Variants in ZNF568 observed in about 807,000 individuals in gnomAD.
ZNF568 encodes the protein zinc finger protein 568, also known as p53 inhibitor of SCO2 activation.
Under a neutral mutation model 18.1 loss-of-function variants are expected in ZNF568, and 11 were observed. The observed-to-expected ratio is 0.61, with a 90% CI of 0.38 to 1.00. ZNF568 has a LOEUF of 1.00. ZNF568 is among the 50% of genes least tolerant of loss of function. The pLI is 0.01. For synonymous variants in ZNF568, 213 were observed against 246.6 expected (o/e 0.86, Z 1.28); for missense variants, 639 against 768.2 (o/e 0.83, Z 1.99).
Position 36,950,979 on chromosome 19 carries a change from C to G in ZNF568, c.1826C>G (p.Thr609Ser), listed in dbSNP as rs202075695. 4 of 1,613,756 alleles carry G rather than the reference C, an allele frequency of 2.5e-6. No homozygotes were observed. In the South Asian group the frequency reaches 4.4e-5, roughly 18 times the overall value. ...CTTATTATACATATGAGAAGTCATACTGGTGAGAAACCCTTTGAATGTAAT... is the reference window on the plus strand; with the variant it reads ...CTTATTATACATATGAGAAGTCATAGTGGTGAGAAACCCTTTGAATGTAAT... Reference protein sequence around the residue: ...SLLIIHMRSHTGEKPFECNEC... With the variant: ...SLLIIHMRSHSGEKPFECNEC... Residue 609 changes from threonine (T) to serine (S), a missense_variant, in exon 7 of 7, where the codon ACT (threonine) becomes AGT (serine). Thr to Ser is a moderately conservative substitution (Grantham distance 58). Coordinates refer to ENST00000333987, the MANE Select transcript of ZNF568 (RefSeq NM_198539.4).
intron 4 of ZNF568, among the ~76,000 whole-genome samples, chr19:36,930,277 T>A (rs1233634997): frequency 1.3e-5 from 2 of 151,624 alleles, no homozygotes; most frequent in Non-Finnish European, 2.9e-5. Context: ...TGGCACAATC[T>A]TGGCTGACTG....
At chr19:36,936,475 C>T (rs1056492499) in intron 4 of ZNF568, among the ~76,000 whole-genome samples, 2 of 152,084 alleles carry the variant, frequency 1.3e-5, no homozygotes, top group African/African-American at 4.8e-5. Context: ...CTCTGGTTTT[C>T]AACATTTTTG....
At chr19:36,949,299 C>T (rs1238941602) in intron 6 of ZNF568, among the ~76,000 whole-genome samples, 1 of 152,124 alleles carries the variant, frequency 6.6e-6, no homozygotes, top group Non-Finnish European at 1.5e-5. Flanking sequence ...CTACTTGGAC[C>T]TACAGATGTC....
intron 6 of ZNF568, among the ~76,000 whole-genome samples, chr19:36,972,322 T>G (rs2074242729): frequency 6.6e-6 from 1 of 152,142 alleles, no homozygotes; most frequent in Admixed American, 6.5e-5. Context: ...TCATTAAATA[T>G]CCTTCTGCAA....
downstream of ZNF568, among the ~76,000 whole-genome samples, chr19:36,953,640 A>G (rs2074085313): frequency 1.3e-5 from 2 of 152,334 alleles, no homozygotes; most frequent in South Asian, 4.1e-4. Context: ...GGCCAGACGC[A>G]GTAGCTCAAG....
Position 36,950,570 on chromosome 19 carries a change from C to A in ZNF568, c.1417C>A (p.Pro473Thr), listed in dbSNP as rs368700254. Residue 473 changes from proline to threonine, a missense_variant, in exon 7 of 7, where the codon CCT becomes ACT. Pro to Thr is a conservative substitution (Grantham distance 38). Transcript: ENST00000333987. ...THQKIHTGEK[P>T]YECSECGKAF... ...TCAGAAAATTCACACTGGAGAGAAA[C>A]CTTATGAATGCAGTGAATGTGGGAA... The A allele has an allele frequency of 3.9e-5, 63 of 1,613,572 alleles. No homozygotes were observed. Among genetic ancestry groups the A allele is most frequent in the Non-Finnish European group, 4.9e-5 (58 of 1,179,752 alleles).
At chr19:36,926,253 T>A (rs1022709884) in intron 4 of ZNF568, among the ~76,000 whole-genome samples, 3 of 152,188 alleles carry the variant, frequency 2.0e-5, no homozygotes, top group African/African-American at 7.2e-5. Flanking sequence ...TTCTTTTTGT[T>A]TCCACCTCTG....
chr19:36,945,536 A>T (rs757865697), intron 6 of ZNF568, among the ~76,000 whole-genome samples: 4 of 152,146 alleles, frequency 2.6e-5, no homozygotes, highest in African/African-American at 4.8e-5. Context: ...CATATACAAA[A>T]TATGTGTTAA....
At chr19:36,958,855 A>G (rs1446700550) in intron 6 of ZNF568, among the ~76,000 whole-genome samples, 1 of 151,998 alleles carries the variant, frequency 6.6e-6, no homozygotes, top group Non-Finnish European at 1.5e-5. Context: ...TCCTGACCTC[A>G]AGTGATCGAA....
Position 36,950,301 on chromosome 19 carries a change from G to A in ZNF568, c.1148G>A (p.Ser383Asn). The stretch of plus-strand genomic sequence containing the variant: ...TCATCTGTTACGCTACATATGAGAA[G>A]TCACACAGGGGAGAAACCCTATAAA... ...RMSSVTLHMR[S>N]HTGEKPYKCN... Residue 383 changes from serine to asparagine, a missense_variant, in exon 7 of 7, where the codon AGT becomes AAT. Ser to Asn is a conservative substitution (Grantham distance 46). Coordinates refer to ENST00000333987, the MANE Select transcript of ZNF568 (RefSeq NM_198539.4). 6.2e-7 allele frequency: 1 copy of A among 1,613,916 alleles called. No homozygotes were observed. The highest frequency in any genetic ancestry group is 8.5e-7 in the Non-Finnish European group (1 of 1,179,962).
In ZNF568 at chr19:36,992,577, C is replaced by G. The variant is rs543787547; in HGVS notation, c.229+731C>G. Among the ~76,000 whole-genome samples the G allele has an allele frequency of 2.2e-4, 33 of 152,280 alleles. No homozygotes were observed. In the South Asian group the frequency reaches 6.6e-3, roughly 31 times the overall value. On this transcript the variant is annotated intron_variant, in intron 4 of 4. Coordinates refer to the ZNF568 transcript ENST00000433993. ...TGCTCACCTCCTATAATACCTCCCCCCTCATTTCAGAGAGGAAGTACCCTC... is the reference window on the plus strand; with the variant it reads ...TGCTCACCTCCTATAATACCTCCCCGCTCATTTCAGAGAGGAAGTACCCTC...
intron 4 of ZNF568, among the ~76,000 whole-genome samples, chr19:36,934,207 A>C (rs548705757): frequency 3.4e-5 from 5 of 147,712 alleles, no homozygotes; most frequent in African/African-American, 1.2e-4. Context: ...ATTCTCTCTA[A>C]TGTTTTTCTA....
rs538345095 is a variant in ZNF568, at chr19:36,949,804, T to C, written c.651T>C (p.Tyr217=). Reference sequence around the variant, plus strand: ...AACCATTTTACCATTGTGCATCCTATGTTGTAACCCCCTTTAAGTGTAATC... The same window carrying C: ...AACCATTTTACCATTGTGCATCCTACGTTGTAACCCCCTTTAAGTGTAATC... ...FGKPFYHCAS[Y]VVTPFKCNQC... The change falls in exon 7 of 7, where the codon TAT becomes TAC. Residue 217 remains tyrosine, a synonymous_variant. Transcript: ENST00000333987. The C allele has an allele frequency of 1.9e-6, 3 of 1,613,998 alleles. No individual in the cohort carries two copies. The highest frequency in any genetic ancestry group is 4.5e-5 in the East Asian group (2 of 44,848).
intron 4 of ZNF568, among the ~76,000 whole-genome samples, chr19:36,992,208 A>C (rs1178885667): frequency 6.9e-6 from 1 of 144,718 alleles, no homozygotes; most frequent in Non-Finnish European, 1.5e-5. Context: ...GTACCACTAC[A>C]CTCCAGCCTG....
chr19:36,981,229 T>A (rs542002955), downstream of ZNF568, among the ~76,000 whole-genome samples: 1 of 152,342 alleles, frequency 6.6e-6, no homozygotes, highest in South Asian at 2.1e-4. Context: ...AAGACTGCTT[T>A]CTAGTAATGT....
intron 7 of ZNF568, chr19:36,978,887 G>C (rs2074306788): frequency 1.1e-5 from 3 of 269,408 alleles, no homozygotes. Context: ...ACCTAGTCAA[G>C]AACAGCATCT....
chr19:36,972,413 C>T (rs2074243467), intron 6 of ZNF568, among the ~76,000 whole-genome samples: 1 of 152,162 alleles, frequency 6.6e-6, no homozygotes, highest in Admixed American at 6.5e-5. Flanking sequence ...ATCCCTCATC[C>T]TTCTCCAGTC....
At chr19:36,953,537 C>G (rs555751292), downstream of ZNF568, among the ~76,000 whole-genome samples, 11 of 152,220 alleles carry the variant, frequency 7.2e-5, no homozygotes, top group African/African-American at 2.6e-4. Context: ...TGAACCAACC[C>G]TTACAGAGGT....
intron 6 of ZNF568, chr19:36,974,394 A>C: frequency 6.5e-7 from 1 of 1,535,654 alleles, no homozygotes; most frequent in Non-Finnish European, 8.7e-7. Context: ...ATGGCTTCTT[A>C]ACGTTTTTCC....
Sources: allele counts gnomAD v4.1 joint callset (sites outside exome capture counted in the v4.1 genomes callset), GRCh38; gene constraint gnomAD v4.1.1; transcripts MANE v1.5; gene names NCBI Gene and HGNC (gene_info 2026-07-23, HGNC 2026-07-21).